The following PRPF18 variants were observed in gnomAD, a reference collection of about 807,000 sequenced individuals.
PRPF18 encodes pre-mRNA-splicing factor 18.
PRPF18 carries 38 observed loss-of-function variants against 46.5 expected under a neutral mutation model. The observed-to-expected ratio is 0.82, with a 90% CI of 0.63 to 1.07. The LOEUF is 1.07. Among genes scored for constraint, PRPF18 ranks in the 50% least tolerant of loss-of-function variants. PRPF18 has a pLI of 0.00. For synonymous variants in PRPF18, 152 were observed against 146.7 expected (o/e 1.04, Z -0.26); for missense variants, 263 against 410.0 (o/e 0.64, Z 3.10).
intron 4 of PRPF18, among the ~76,000 whole-genome samples, chr10:13,607,392 T>C (rs1164147442): frequency 2.0e-5 from 3 of 152,218 alleles, no homozygotes; most frequent in Non-Finnish European, 2.9e-5. Flanking sequence ...TAATTGAATC[T>C]TTTGCTGAAC....
chr10:13,640,259 G>T, the PRPF18 span: 1 of 148,564 alleles, frequency 6.7e-6, no homozygotes, highest in East Asian at 2.1e-4. Context: ...ATACCTGAGA[G>T]TCCCCTTTTT....
downstream of PRPF18, among the ~76,000 whole-genome samples, chr10:13,633,629 C>T (rs944616878): frequency 7.2e-5 from 11 of 152,246 alleles, no homozygotes; most frequent in South Asian, 2.1e-4. Flanking sequence ...GATGGTAGAA[C>T]GAAGTGGGGC....
intron 8 of PRPF18, among the ~76,000 whole-genome samples, chr10:13,614,851 G>A (rs1280761143): frequency 6.6e-6 from 1 of 152,220 alleles, no homozygotes; most frequent in Non-Finnish European, 1.5e-5. Flanking sequence ...TTGTGGCCGT[G>A]CCTCCCAAGG....
At chr10:13,606,507 CA>C (rs1564455073) in intron 4 of PRPF18, among the ~76,000 whole-genome samples, 1 of 152,038 alleles carries the variant, frequency 6.6e-6, no homozygotes, top group African/African-American at 2.4e-5. Flanking sequence ...GAGGCTGAGG[CA>C]GGTGGATCAC....
downstream of PRPF18, among the ~76,000 whole-genome samples, chr10:13,632,397 A>G (rs1439185220): frequency 6.6e-6 from 1 of 152,160 alleles, no homozygotes; most frequent in Admixed American, 6.5e-5. Flanking sequence ...AGCGCAAGTG[A>G]GAGACAGACT....
At chr10:13,628,793 C>G (rs1164255621) in intron 9 of PRPF18, among the ~76,000 whole-genome samples, 1 of 152,092 alleles carries the variant, frequency 6.6e-6, no homozygotes, top group Non-Finnish European at 1.5e-5. Flanking sequence ...TCCTTGTAAA[C>G]AAGGAAATGT....
chr10:13,633,198 G>T (rs1268186734), downstream of PRPF18, among the ~76,000 whole-genome samples: 2 of 152,214 alleles, frequency 1.3e-5, no homozygotes, highest in Non-Finnish European at 2.9e-5. Flanking sequence ...TAGGAGGAAG[G>T]GAGCGGTCCT....
chr10:13,600,135 A>G, intron 2 of PRPF18, 109 bp from the exon 3 acceptor site: 1 of 833,496 alleles, frequency 1.2e-6, no homozygotes, highest in Non-Finnish European at 1.8e-6. Flanking sequence ...AATATTAGAA[A>G]ATCTTCAGTG....
chr10:13,603,884 A>G (rs2080149772), intron 3 of PRPF18, among the ~76,000 whole-genome samples: 1 of 152,246 alleles, frequency 6.6e-6, no homozygotes, highest in South Asian at 2.1e-4. Context: ...AATTTAGAAT[A>G]GTGAGGCTGG....
At chr10:13,624,371 A>G (rs1262328679) in intron 9 of PRPF18, among the ~76,000 whole-genome samples, 1 of 152,260 alleles carries the variant, frequency 6.6e-6, no homozygotes, top group East Asian at 1.9e-4. Flanking sequence ...GGAGGCAGTC[A>G]TTACGGAACC....
chr10:13,613,375 A>C (rs1207912571), intron 6 of PRPF18, among the ~76,000 whole-genome samples: 3 of 152,174 alleles, frequency 2.0e-5, no homozygotes, highest in African/African-American at 7.2e-5. Flanking sequence ...CATATGTAGA[A>C]AGTCCAGTTT....
chr10:13,610,109 G>T lies in PRPF18; in HGVS notation c.434G>T (p.Gly145Val). 4 of 1,613,992 alleles carry T rather than the reference G, an allele frequency of 2.5e-6. No individual in the cohort carries two copies. The highest frequency in any genetic ancestry group is 3.4e-6 in the Non-Finnish European group (4 of 1,179,872). ...CAGTACCTCAATGAAATCGTCGGCG[G>T]TCAGGAGCCTGGAGAGGAAGACACA... ...DQQYLNEIVG[G>V]QEPGEEDTQN... The change falls in exon 5 of 10, where the codon GGT becomes GTT. Residue 145 changes from glycine to valine, a missense_variant. Gly to Val is a moderately radical substitution (Grantham distance 109). This residue lies in a region of PRPF18 where 155 missense variants were observed against 245.1 expected (regional missense o/e 0.63). Coordinates refer to ENST00000378572, the MANE Select transcript of PRPF18 (RefSeq NM_003675.4).
chr10:13,639,921 C>T, the PRPF18 span: 3 of 152,232 alleles, frequency 2.0e-5, no homozygotes, highest in Non-Finnish European at 4.4e-5. Context: ...GATGGCACAG[C>T]CGTGGTTTTC....
At chr10:13,647,186 C>T in the PRPF18 span, 1 of 152,860 alleles carries the variant, frequency 6.5e-6, no homozygotes, top group African/African-American at 2.4e-5. Flanking sequence ...GCCTGAGACC[C>T]TCAACAGTGC....
At chr10:13,654,250 T>C in the PRPF18 span, 1 of 629,642 alleles carries the variant, frequency 1.6e-6, no homozygotes, top group South Asian at 1.9e-5. Context: ...GGAAAAGGAG[T>C]AGGCAGAGGT....
intron 5 of PRPF18, among the ~76,000 whole-genome samples, chr10:13,610,582 C>A (rs148528240): frequency 7.9e-5 from 12 of 152,124 alleles, no homozygotes; most frequent in African/African-American, 2.7e-4. Context: ...TACACTGAAT[C>A]CTTTGCTTTT....
At chr10:13,623,835 C>T (rs749937084) in intron 9 of PRPF18, among the ~76,000 whole-genome samples, 18 of 152,182 alleles carry the variant, frequency 1.2e-4, no homozygotes, top group Non-Finnish European at 2.5e-4. Flanking sequence ...CTATATCATG[C>T]TATGATACAC....
chr10:13,631,615 A>G (rs2080590540), downstream of PRPF18: 1 of 152,290 alleles, frequency 6.6e-6, no homozygotes, highest in Non-Finnish European at 1.5e-5. Flanking sequence ...GAGGGAAGCC[A>G]GAGTCCCTTT....
At chr10:13,588,531 G>A (rs906251660) in intron 1 of PRPF18, among the ~76,000 whole-genome samples, 5 of 149,936 alleles carry the variant, frequency 3.3e-5, no homozygotes. Flanking sequence ...AGCTATCATC[G>A]TGCCACTGCA....
Sources: gnomAD v4.1 joint callset for allele counts (sites outside exome capture counted in the v4.1 genomes callset) on GRCh38, gnomAD v4.1.1 for gene constraint, gnomAD v4.1.1 regional missense constraint, MANE v1.5 for transcripts, NCBI Gene and HGNC (gene_info 2026-07-23, HGNC 2026-07-21) for gene names.